Variants in CERK observed in about 807,000 individuals in gnomAD.
CERK encodes the protein ceramide kinase.
Under a neutral mutation model 63.4 loss-of-function variants are expected in CERK, and 39 were observed. The ratio of observed to expected loss-of-function variants is 0.61; its 90% CI spans 0.48 to 0.80. CERK has a LOEUF of 0.80. Among genes scored for constraint, CERK ranks in the 30% least tolerant of loss-of-function variants. The pLI is 0.00. For missense variants in CERK, 670 were observed against 714.1 expected (o/e 0.94, Z 0.70); for synonymous variants, 302 against 280.0 (o/e 1.08, Z -0.78).
At chr22:46,733,513 C>T (rs1024495799) in intron 1 of CERK, among the ~76,000 whole-genome samples, 1 of 151,092 alleles carries the variant, frequency 6.6e-6, no homozygotes, top group Non-Finnish European at 1.5e-5. Context: ...AGGCTGGTCA[C>T]GACCTCCTGA....
Position 46,687,050 on chromosome 22 carries a change from TG to T in CERK, c.*83del. ...TCAAAAATAAATTTCTACATTTAAA[TG>T]TATATATCAACATAATTGGTCTGTA... On this transcript the variant is annotated 3_prime_UTR_variant, in exon 13 of 13. Coordinates refer to ENST00000216264, the MANE Select transcript of CERK (RefSeq NM_022766.6). 9.6e-7 allele frequency: 1 copy of T among 1,039,278 alleles called. No homozygotes were observed. Among genetic ancestry groups the T allele is most frequent in the Non-Finnish European group, 1.4e-6 (1 of 691,332 alleles). The allele number at this position is 1,039,278 out of a possible 1,614,324, so 64.4% of individuals were successfully genotyped here. A position where few individuals can be genotyped will look rare whatever the true frequency, so the allele number is the denominator to read the frequency against.
At chr22:46,687,227 G>A (rs781033495) in intron 12 of CERK, 21 bp from the exon 13 acceptor site, 30 of 1,610,364 alleles carry the variant, frequency 1.9e-5, no homozygotes, top group Admixed American at 3.3e-5. Flanking sequence ...AAGCGGCCAC[G>A]TGTAAACCCC....
At position 46,687,194 on chromosome 22, in the gene CERK, C is replaced by G. The variant is rs768561774; in HGVS notation, c.1554G>C (p.Gln518His). The change falls in exon 13 of 13, where the codon CAG becomes CAC. Residue 518 changes from glutamine to histidine, a missense_variant. By Grantham distance (24) the Gln-to-His change is conservative (BLOSUM62 0). Transcript: ENST00000216264. The part of the protein sequence containing the change: ...SPAIEVRVHC[Q>H]LVRLFARGIE... ...TTCCTCGTGCAAAGAGTCGAACCAG[C>G]TGGCAGTGGACTCTGCAGAGACAAG... 1 of 1,614,098 alleles carries G rather than the reference C, an allele frequency of 6.2e-7. No individual in the cohort carries two copies. Among genetic ancestry groups the G allele is most frequent in the South Asian group, 1.1e-5 (1 of 91,080 alleles).
rs767753741 is a variant in CERK, at chr22:46,726,453, C to T, written c.143-5438G>A. 9.2e-5 allele frequency among the ~76,000 whole-genome samples: 14 copies of T among 152,246 alleles called. No individual in the cohort carries two copies. The East Asian group carries it at 1.5e-3, about 17-fold the overall frequency. On this transcript the variant is annotated intron_variant, in intron 1 of 12. Transcript: ENST00000216264. ...GGGATGCTGAGGCCCAGAAGTGGCA[C>T]GGGCCACACTGACCTCCACATGCCC...
Position 46,686,358 on chromosome 22 carries a change from C to T in CERK, c.*776G>A, listed in dbSNP as rs901962150. On this transcript the variant is annotated 3_prime_UTR_variant, in exon 13 of 13. Coordinates refer to ENST00000216264, the MANE Select transcript of CERK (RefSeq NM_022766.6). ...CCAAGCCCGGCTGTGTTAAGCACTT[C>T]GCGTCGATATAAAGCATTGGTATTT... is the stretch of plus-strand genomic sequence containing the variant. 1.3e-5 allele frequency: 2 copies of T among 152,200 alleles called. No individual in the cohort carries two copies. Among genetic ancestry groups the T allele is most frequent in the Non-Finnish European group, 2.9e-5 (2 of 68,058 alleles). 9.4% of individuals were successfully genotyped at this position (152,200 alleles called of 1,614,324 possible). A position where few individuals can be genotyped will look rare whatever the true frequency, so the allele number is the denominator to read the frequency against.
chr22:46,695,121 T>C, intron 9 of CERK, 89 bp downstream of exon 9: 2 of 739,564 alleles, frequency 2.7e-6, no homozygotes, highest in East Asian at 2.5e-5. Flanking sequence ...TTCCACCACA[T>C]TTGGAAAATA....
chr22:46,700,873 T>C (rs1057095760), intron 7 of CERK, among the ~76,000 whole-genome samples: 2 of 151,934 alleles, frequency 1.3e-5, no homozygotes, highest in Non-Finnish European at 2.9e-5. Context: ...GAACTGGACG[T>C]GGTGGCGCGA....
At chr22:46,725,460 T>C (rs2082913807) in intron 1 of CERK, among the ~76,000 whole-genome samples, 1 of 151,790 alleles carries the variant, frequency 6.6e-6, no homozygotes, top group East Asian at 1.9e-4. Context: ...AGTCTCAAAT[T>C]GCCGGCACCA....
At chr22:46,701,082 ACCCTGTCTAC>A (rs2082781315) in intron 7 of CERK, among the ~76,000 whole-genome samples, 3 of 152,132 alleles carry the variant, frequency 2.0e-5, no homozygotes, top group African/African-American at 7.2e-5. Flanking sequence ...AGGCACGGTA[ACCCTGTCTAC>A]TGGGGTGAGG....
chr22:46,720,344 AG>A, intron 2 of CERK, 136 bp from the exon 3 acceptor site: 1 of 961,714 alleles, frequency 1.0e-6, no homozygotes, highest in Non-Finnish European at 1.5e-6. Flanking sequence ...CCTTCTAATT[AG>A]TAACTTTCAA....
intron 3 of CERK, among the ~76,000 whole-genome samples, chr22:46,718,081 C>A (rs6007960): frequency 0.17 from 25,314 of 151,772 alleles, 3,249 homozygotes; most frequent in African/African-American, 0.36. Flanking sequence ...GTCTCAAAAA[C>A]CAAGAACAAA....
rs747738510 is a variant in CERK at position 46,684,558 on chromosome 22, G to A, written c.*2576C>T. The A allele has an allele frequency of 1.3e-5, 2 of 152,134 alleles. No individual in the cohort carries two copies. The highest frequency in any genetic ancestry group is 2.9e-5 in the Non-Finnish European group (2 of 68,034). The allele number at this position is 152,134 out of a possible 1,614,324, so 9.4% of individuals were successfully genotyped here. Reference sequence around the variant, plus strand: ...GTTACTCAAGATTGTATTCAGGAACGAAGTCAAACTCGGCCTCACTTCTTA... The same window carrying A: ...GTTACTCAAGATTGTATTCAGGAACAAAGTCAAACTCGGCCTCACTTCTTA... On this transcript the variant is annotated 3_prime_UTR_variant, in exon 13 of 13. Coordinates refer to ENST00000216264, the MANE Select transcript of CERK (RefSeq NM_022766.6).
rs36211083 is a variant in CERK, at chr22:46,691,773, G to A, written c.1131C>T (p.Asp377=). 183,520 of 1,607,142 alleles carry A rather than the reference G, an allele frequency of 0.11. 11,413 individuals carry two copies. Among genetic ancestry groups the A allele is most frequent in the Admixed American group, 0.22 (12,968 of 59,762 alleles). ...KALYGLEAAE[D]VEEWQVVCGK... Reference sequence around the variant, plus strand: ...CACAGACGACTTGCCACTCCTCCACGTCCTCTGAAGCACAAAGAACCACGG... The same window carrying A: ...CACAGACGACTTGCCACTCCTCCACATCCTCTGAAGCACAAAGAACCACGG... Residue 377 remains aspartate (D), a synonymous_variant, in exon 11 of 13, where the codon GAC becomes GAT. Transcript: ENST00000216264.
intron 5 of CERK, among the ~76,000 whole-genome samples, chr22:46,710,010 G>A (rs943229030): frequency 6.6e-6 from 1 of 152,142 alleles, no homozygotes; most frequent in African/African-American, 2.4e-5. Context: ...ATTCCAAGAA[G>A]CCAGCTAGCC....
intron 1 of CERK, among the ~76,000 whole-genome samples, chr22:46,727,854 C>T (rs891227555): frequency 9.2e-5 from 14 of 151,960 alleles, no homozygotes; most frequent in Admixed American, 6.6e-4. Context: ...CTGCCACCCC[C>T]GCGGCTCCTT....
Position 46,709,996 on chromosome 22 carries a change from A to G in CERK, c.569+1090T>C, listed in dbSNP as rs1601719190. ...AAGAAAATGGGCCAAAGACATAAAA[A>G]TCAATTCCAAGAAGCCAGCTAGCCA... is the stretch of plus-strand genomic sequence containing the variant. On this transcript the variant is annotated intron_variant, in intron 5 of 12. Coordinates refer to ENST00000216264, the MANE Select transcript of CERK (RefSeq NM_022766.6). Among the ~76,000 whole-genome samples the G allele has an allele frequency of 3.9e-5, 6 of 152,382 alleles. 2 individuals carry two copies. The highest frequency in any genetic ancestry group is 3.9e-4 in the Admixed American group (6 of 15,310).
intron 11 of CERK, 44 bp from the exon 12 acceptor site, chr22:46,690,244 T>A: frequency 6.4e-7 from 1 of 1,559,250 alleles, no homozygotes; most frequent in African/African-American, 1.4e-5. Context: ...CTAAACGTCA[T>A]CGTCTGGGTG....
intron 1 of CERK, among the ~76,000 whole-genome samples, chr22:46,731,537 G>GT (rs1569331544): frequency 5.3e-5 from 8 of 152,246 alleles, no homozygotes. Context: ...AACAGAAGGT[G>GT]TAAACGCTGC....
In CERK at chr22:46,686,549, G is replaced by C. The variant is rs902468260; in HGVS notation, c.*585C>G. 6.5e-6 allele frequency: 1 copy of C among 153,220 alleles called. No individual in the cohort carries two copies. Among genetic ancestry groups the C allele is most frequent in the Non-Finnish European group, 1.5e-5 (1 of 68,714 alleles). 9.5% of individuals were successfully genotyped at this position (153,220 alleles called of 1,614,324 possible). The stretch of plus-strand genomic sequence containing the variant: ...TGGAGGCCCCAGCAGCCTTCCCGGC[G>C]CTGGCGTGGAGGCCCCTCCCGCGGA... On this transcript the variant is annotated 3_prime_UTR_variant, in exon 13 of 13. Coordinates refer to ENST00000216264, the MANE Select transcript of CERK (RefSeq NM_022766.6).
Sources: allele counts gnomAD v4.1 joint callset (sites outside exome capture counted in the v4.1 genomes callset), GRCh38; gene constraint gnomAD v4.1.1; transcripts MANE v1.5; gene names NCBI Gene and HGNC (gene_info 2026-07-23, HGNC 2026-07-21).